The following TTC6 variants were observed in gnomAD, a reference collection of about 807,000 sequenced individuals.
The protein encoded by TTC6 is tetratricopeptide repeat domain 6.
TTC6 carries 172 observed loss-of-function variants against 210.4 expected under a neutral mutation model. That is an observed-to-expected ratio of 0.82 (90% CI 0.72 to 0.93). The LOEUF is 0.93. Ranked by LOEUF, TTC6 falls within the 40% of genes least tolerant of loss-of-function variation. TTC6 has a pLI of 0.00. For synonymous variants in TTC6, 804 were observed against 819.6 expected, an observed-to-expected ratio of 0.98 and a Z score of 0.32; for missense variants, 2,414 against 2,318.1, an observed-to-expected ratio of 1.04 and a Z score of -0.85.
intron 4 of TTC6, among the ~76,000 whole-genome samples, chr14:37,698,684 T>A (rs2095819295): frequency 1.3e-5 from 2 of 152,156 alleles, no homozygotes; most frequent in South Asian, 4.1e-4. Flanking sequence ...GGCCCTATGC[T>A]CTTTTGGAAA....
At chr14:37,665,083 A>C (rs2095745190) in intron 1 of TTC6, among the ~76,000 whole-genome samples, 1 of 150,658 alleles carries the variant, frequency 6.6e-6, no homozygotes, top group Non-Finnish European at 1.5e-5. Flanking sequence ...TGTGGAAGAC[A>C]GTGTGGCAAT....
chr14:37,717,316 A>C (rs2095854361), intron 6 of TTC6, among the ~76,000 whole-genome samples: 1 of 152,066 alleles, frequency 6.6e-6, no homozygotes, highest in South Asian at 2.1e-4. Context: ...CTGGCAAGAC[A>C]AGAAAAAAAG....
chr14:37,599,913 T>C (rs1227457759), intron 1 of TTC6, among the ~76,000 whole-genome samples: 3 of 152,038 alleles, frequency 2.0e-5, no homozygotes, highest in Non-Finnish European at 4.4e-5. Context: ...GTTACTGACT[T>C]TTGTTCACAC....
intron 3 of TTC6, among the ~76,000 whole-genome samples, chr14:37,694,796 C>G (rs940246575): frequency 1.3e-5 from 2 of 152,072 alleles, no homozygotes; most frequent in Admixed American, 6.6e-5. Context: ...AATCCCAATA[C>G]TTTGGGAGGC....
At chr14:37,662,826 T>C (rs2095740083) in intron 1 of TTC6, among the ~76,000 whole-genome samples, 1 of 151,662 alleles carries the variant, frequency 6.6e-6, no homozygotes, top group Non-Finnish European at 1.5e-5. Flanking sequence ...TAGTATAGTT[T>C]GAAGTTGGGT....
intron 1 of TTC6, among the ~76,000 whole-genome samples, chr14:37,632,725 C>G (rs182367977): frequency 3.9e-5 from 6 of 152,324 alleles, no homozygotes; most frequent in Non-Finnish European, 7.3e-5. Flanking sequence ...CCCAGCCGCC[C>G]CTTCCACCAG....
chr14:37,773,201 T>C (rs1225299070), intron 14 of TTC6, among the ~76,000 whole-genome samples: 3 of 152,308 alleles, frequency 2.0e-5, no homozygotes, highest in South Asian at 2.1e-4. Context: ...AAATACTTTC[T>C]CCCATTCAGT....
At chr14:37,759,589 T>C (rs897217213) in intron 14 of TTC6, among the ~76,000 whole-genome samples, 1 of 152,332 alleles carries the variant, frequency 6.6e-6, no homozygotes, top group East Asian at 1.9e-4. Flanking sequence ...CATCCTGAAG[T>C]GTGTTTTCCA....
chr14:37,657,383 A>G (rs2095726623), intron 1 of TTC6, among the ~76,000 whole-genome samples: 1 of 151,530 alleles, frequency 6.6e-6, no homozygotes, highest in African/African-American at 2.4e-5. Context: ...TCCATCAAAT[A>G]AAACAAAAAA....
chr14:37,668,310 A>G (rs541264764), intron 1 of TTC6, among the ~76,000 whole-genome samples: 1 of 150,632 alleles, frequency 6.6e-6, no homozygotes, highest in Non-Finnish European at 1.5e-5. Context: ...CAAACTCTCA[A>G]AACTAAGGGC....
chr14:37,822,217 T>C (rs77537412), intron 26 of TTC6, among the ~76,000 whole-genome samples: 3,967 of 152,286 alleles, frequency 0.026, 162 homozygotes, highest in African/African-American at 0.085. Flanking sequence ...TTTCAACTTA[T>C]GGTATTTAAA....
intron 1 of TTC6, among the ~76,000 whole-genome samples, chr14:37,635,956 G>A (rs534974382): frequency 3.6e-5 from 5 of 139,382 alleles, no homozygotes; most frequent in African/African-American, 1.3e-4. Context: ...TCCAGCCCCT[G>A]GCAACAAGAG....
chr14:37,619,527 A>G (rs2095647990), upstream of TTC6, among the ~76,000 whole-genome samples: 1 of 152,230 alleles, frequency 6.6e-6, no homozygotes, highest in Admixed American at 6.5e-5. Flanking sequence ...TTATTTGGGT[A>G]CATGTCATGA....
chr14:37,602,042 G>A (rs1328304594), intron 1 of TTC6, among the ~76,000 whole-genome samples: 2 of 152,242 alleles, frequency 1.3e-5, no homozygotes, highest in African/African-American at 4.8e-5. Context: ...TTGCACTAGA[G>A]CTCTCTATTA....
chr14:37,840,024 A>C (rs1330889503), intron 29 of TTC6, among the ~76,000 whole-genome samples: 1 of 152,130 alleles, frequency 6.6e-6, no homozygotes, highest in East Asian at 1.9e-4. Context: ...TTTTGGTACC[A>C]GTACCATGCC....
At chr14:37,831,179 TG>T (rs2096184154) in intron 29 of TTC6, among the ~76,000 whole-genome samples, 1 of 152,132 alleles carries the variant, frequency 6.6e-6, no homozygotes, top group African/African-American at 2.4e-5. Context: ...GAACATGTGT[TG>T]TCTTTCTGTA....
chr14:37,648,031 C>T (rs541717249), intron 1 of TTC6, among the ~76,000 whole-genome samples: 1 of 152,250 alleles, frequency 6.6e-6, no homozygotes, highest in Non-Finnish European at 1.5e-5. Context: ...CACACACGTT[C>T]ACACCCCTCC....
chr14:37,716,627 G>C (rs895253545), intron 6 of TTC6, among the ~76,000 whole-genome samples: 1 of 152,058 alleles, frequency 6.6e-6, no homozygotes, highest in South Asian at 2.1e-4. Flanking sequence ...ACATCAAGAA[G>C]ACATGCCAGT....
At position 37,662,009 on chromosome 14, in the gene TTC6, A is replaced by G. The variant is rs951886954; in HGVS notation, c.940-18142A>G. On this transcript the variant is annotated intron_variant, in intron 1 of 30. Coordinates refer to ENST00000553443, the Ensembl canonical transcript of TTC6. ...ACAGGAATGCTAGCAATTTTTGCGC[A>G]CTGATTTTGCTGAAGTTGCTTATCG... Among the ~76,000 whole-genome samples the G allele has an allele frequency of 5.5e-4, 84 of 152,104 alleles. 1 individual carries two copies. The highest frequency in any genetic ancestry group is 1.9e-3 in the African/African-American group (79 of 41,550).
Sources: allele counts gnomAD v4.1 joint callset (sites outside exome capture counted in the v4.1 genomes callset), GRCh38; gene constraint gnomAD v4.1.1; transcripts MANE v1.5; gene names NCBI Gene and HGNC (gene_info 2026-07-23, HGNC 2026-07-21).